Variants in PARD3 observed in about 807,000 individuals in gnomAD.
PARD3 encodes par-3 family cell polarity regulator.
In PARD3, 75 loss-of-function variants were observed where a neutral mutation model predicts 155.4. The observed-to-expected ratio is 0.48, with a 90% CI of 0.40 to 0.58. The LOEUF is 0.58. Ranked by LOEUF, PARD3 falls within the 20% of genes least tolerant of loss-of-function variation. The pLI is 0.00. For synonymous variants in PARD3, 576 were observed against 610.5 expected, an observed-to-expected ratio of 0.94 and a Z score of 0.83; for missense variants, 1,642 against 1,721.7, an observed-to-expected ratio of 0.95 and a Z score of 0.82.
intron 12 of PARD3, among the ~76,000 whole-genome samples, chr10:34,361,636 T>A (rs1839449248): frequency 6.6e-6 from 1 of 152,240 alleles, no homozygotes; most frequent in Non-Finnish European, 1.5e-5. Context: ...TATCTGTAAG[T>A]GAATTTTTTA....
intron 2 of PARD3, among the ~76,000 whole-genome samples, chr10:34,689,038 C>T (rs1447059065): frequency 6.6e-6 from 1 of 152,142 alleles, no homozygotes; most frequent in Admixed American, 6.5e-5. Context: ...CACAGAGATC[C>T]TATTTCCCAG....
At chr10:34,697,242 G>A (rs988250959) in intron 1 of PARD3, among the ~76,000 whole-genome samples, 7 of 152,166 alleles carry the variant, frequency 4.6e-5, no homozygotes, top group African/African-American at 9.6e-5. Flanking sequence ...TCACTCTTAC[G>A]TACATATTCA....
chr10:34,413,180 C>CACATAT (rs775445941), intron 5 of PARD3, among the ~76,000 whole-genome samples: 5 of 145,184 alleles, frequency 3.4e-5, no homozygotes, highest in Non-Finnish European at 6.1e-5. Context: ...CACACACACA[C>CACATAT]ATATATATAA....
intron 20 of PARD3, among the ~76,000 whole-genome samples, chr10:34,300,762 G>C (rs1231496588): frequency 1.3e-5 from 2 of 152,162 alleles, no homozygotes; most frequent in Non-Finnish European, 2.9e-5. Flanking sequence ...AGCTAATTTA[G>C]AGTAGCTAAT....
intron 22 of PARD3, among the ~76,000 whole-genome samples, chr10:34,173,605 T>G (rs1271772719): frequency 1.3e-5 from 2 of 152,164 alleles, no homozygotes; most frequent in Admixed American, 6.5e-5. Context: ...AAACTAACTT[T>G]TACATATACC....
At chr10:34,402,255 C>G (rs1843965294) in intron 5 of PARD3, among the ~76,000 whole-genome samples, 1 of 152,140 alleles carries the variant, frequency 6.6e-6, no homozygotes. Context: ...GAAGTAATTA[C>G]ATATTACTCC....
chr10:34,783,545 A>G (rs1421678509), intron 1 of PARD3, among the ~76,000 whole-genome samples: 1 of 140,518 alleles, frequency 7.1e-6, no homozygotes, highest in African/African-American at 2.7e-5. Flanking sequence ...CGGAGCTTGC[A>G]GTGAGTTGAG....
intron 2 of PARD3, among the ~76,000 whole-genome samples, chr10:34,519,235 G>A (rs931816315): frequency 6.6e-6 from 1 of 152,062 alleles, no homozygotes; most frequent in Non-Finnish European, 1.5e-5. Flanking sequence ...GAAAAAATAG[G>A]CAGAATTCTA....
chr10:34,736,615 T>TTCAAAATG (rs1383143205), intron 1 of PARD3, among the ~76,000 whole-genome samples: 1 of 152,006 alleles, frequency 6.6e-6, no homozygotes, highest in South Asian at 2.1e-4. Flanking sequence ...AAAGAGTTAT[T>TTCAAAATG]TCAAAATGTT....
intron 22 of PARD3, among the ~76,000 whole-genome samples, chr10:34,166,538 G>A (rs1778876): frequency 0.2 from 29,990 of 151,746 alleles, 3,772 homozygotes; most frequent in Non-Finnish European, 0.26. Context: ...GCAGGCAGGC[G>A]GAATTGCTTG....
chr10:34,802,801 C>T (rs1466334077), intron 1 of PARD3, among the ~76,000 whole-genome samples: 1 of 152,078 alleles, frequency 6.6e-6, no homozygotes, highest in Non-Finnish European at 1.5e-5. Context: ...GACTTAATCA[C>T]TGGCAAACAC....
chr10:34,541,253 T>C (rs2083593204), intron 2 of PARD3, among the ~76,000 whole-genome samples: 1 of 152,234 alleles, frequency 6.6e-6, no homozygotes, highest in Non-Finnish European at 1.5e-5. Context: ...ACATGGTATT[T>C]GTATAAGAAA....
intron 9 of PARD3, 59 bp from the exon 10 acceptor site, chr10:34,378,165 G>A: frequency 7.7e-7 from 1 of 1,300,284 alleles, no homozygotes; most frequent in Non-Finnish European, 1.1e-6. Context: ...TTTTACAGGT[G>A]TATTGCACCA....
chr10:34,792,688 A>C (rs913394079), intron 1 of PARD3, among the ~76,000 whole-genome samples: 1 of 152,178 alleles, frequency 6.6e-6, no homozygotes. Context: ...CAGGAGGTCT[A>C]CAGTGACCTG....
intron 2 of PARD3, among the ~76,000 whole-genome samples, chr10:34,674,348 T>C (rs1462746970): frequency 2.0e-5 from 3 of 152,124 alleles, no homozygotes; most frequent in East Asian, 3.8e-4. Flanking sequence ...AACATGACTG[T>C]AGAACTGCCC....
intron 3 of PARD3, among the ~76,000 whole-genome samples, chr10:34,472,148 G>A (rs1463278582): frequency 1.3e-5 from 2 of 152,248 alleles, no homozygotes; most frequent in East Asian, 1.9e-4. Context: ...AACACAGTCT[G>A]AGCAACGTTA....
intron 22 of PARD3, among the ~76,000 whole-genome samples, chr10:34,248,422 A>G (rs1954095687): frequency 6.6e-6 from 1 of 152,252 alleles, no homozygotes; most frequent in Admixed American, 6.5e-5. Context: ...TTTCTCTTTC[A>G]ACCCCAATAG....
chr10:34,332,189 G>C (rs946561253), intron 18 of PARD3, among the ~76,000 whole-genome samples: 1 of 152,152 alleles, frequency 6.6e-6, no homozygotes, highest in African/African-American at 2.4e-5. Flanking sequence ...TATTTCCTGA[G>C]GATCTAGGGC....
At chr10:34,456,455 C>T (rs1005279527) in intron 4 of PARD3, among the ~76,000 whole-genome samples, 1 of 152,010 alleles carries the variant, frequency 6.6e-6, no homozygotes, top group African/African-American at 2.4e-5. Flanking sequence ...CACCATCATG[C>T]CTGGCTAATT....
Sources: gnomAD v4.1 joint callset for allele counts (sites outside exome capture counted in the v4.1 genomes callset) on GRCh38, gnomAD v4.1.1 for gene constraint, MANE v1.5 for transcripts, NCBI Gene and HGNC (gene_info 2026-07-23, HGNC 2026-07-21) for gene names.